Variants in VIT observed in about 807,000 individuals in gnomAD.
VIT encodes vitrin.
VIT carries 99 observed loss-of-function variants against 78.0 expected under a neutral mutation model. That is an observed-to-expected ratio of 1.27 (90% CI 1.08 to 1.50). The LOEUF (loss-of-function observed/expected upper bound fraction) is 1.50, where lower values mean the gene tolerates loss of function less well. Ranked by LOEUF, VIT falls within the 40% of genes most tolerant of loss-of-function variation. The pLI is 0.00. For missense variants in VIT, 1,126 were observed against 875.3 expected (o/e 1.29, Z -3.61); for synonymous variants, 374 against 334.3 (o/e 1.12, Z -1.29).
chr2:36,801,270 C>T (rs1666302402), intron 12 of VIT, 31 bp from the exon 13 acceptor site: 2 of 1,561,466 alleles, frequency 1.3e-6, no homozygotes, highest in Admixed American at 1.7e-5. Flanking sequence ...AACTTTGCAG[C>T]TAATTTGTAT....
intron 2 of VIT, among the ~76,000 whole-genome samples, chr2:36,717,417 CGTGTG>C (rs1558510811): frequency 9.6e-5 from 4 of 41,614 alleles, no homozygotes; most frequent in Non-Finnish European, 9.2e-5. Flanking sequence ...GGGGTTTCAC[CGTGTG>C]AGACAGGGTT....
chr2:36,748,980 G>A (rs558526512), intron 4 of VIT, among the ~76,000 whole-genome samples: 10 of 152,278 alleles, frequency 6.6e-5, no homozygotes, highest in African/African-American at 1.7e-4. Context: ...TGAGCATCCC[G>A]TGTTTTCTCC....
intron 13 of VIT, among the ~76,000 whole-genome samples, chr2:36,803,158 C>T (rs931816523): frequency 1.3e-5 from 2 of 152,212 alleles, no homozygotes; most frequent in African/African-American, 4.8e-5. Flanking sequence ...CCTGCCGCCC[C>T]AAACCACTGC....
chr2:36,795,916 G>C (rs1665863460), intron 12 of VIT, among the ~76,000 whole-genome samples: 1 of 152,140 alleles, frequency 6.6e-6, no homozygotes, highest in African/African-American at 2.4e-5. Flanking sequence ...GCTTTGTTCA[G>C]ACATGAGTGA....
intron 15 of VIT, among the ~76,000 whole-genome samples, chr2:36,813,926 G>A (rs1362436422): frequency 6.6e-6 from 1 of 152,154 alleles, no homozygotes; most frequent in Non-Finnish European, 1.5e-5. Context: ...AAACTCCTGA[G>A]ATAACAATTA....
intron 4 of VIT, among the ~76,000 whole-genome samples, chr2:36,746,857 G>A (rs538801112): frequency 1.3e-5 from 2 of 152,010 alleles, no homozygotes; most frequent in African/African-American, 2.4e-5. Flanking sequence ...ATGTTAGTGT[G>A]TTCTTATTTT....
intron 1 of VIT, among the ~76,000 whole-genome samples, chr2:36,701,708 C>T (rs539764938): frequency 1.3e-4 from 20 of 152,296 alleles, no homozygotes; most frequent in African/African-American, 3.6e-4. Context: ...TATGTGAATT[C>T]CCTTCACCAG....
intron 4 of VIT, among the ~76,000 whole-genome samples, chr2:36,752,555 G>A (rs1047195722): frequency 1.3e-5 from 2 of 152,208 alleles, no homozygotes; most frequent in Admixed American, 1.3e-4. Context: ...CTACATCTGA[G>A]TGATACAAAT....
intron 14 of VIT, among the ~76,000 whole-genome samples, chr2:36,806,716 T>A (rs368030530): frequency 1.3e-5 from 2 of 152,000 alleles, no homozygotes; most frequent in African/African-American, 4.8e-5. Context: ...CCAGCTAGTT[T>A]TTTTATTTTA....
chr2:36,814,250 C>T lies in VIT; in HGVS notation c.1971C>T (p.His657=), dbSNP rs1278283955. The part of the protein sequence containing the change: ...AQEELEVIAT[H]PARDHSFFVD... ...AGGAGCTAGAAGTCATTGCCACTCACCCCGCCAGAGACCACTCCTTCTTTG... is the reference window on the plus strand; with the variant it reads ...AGGAGCTAGAAGTCATTGCCACTCATCCCGCCAGAGACCACTCCTTCTTTG... The change falls in exon 16 of 16, where the codon CAC becomes CAT. Residue 657 remains histidine, a synonymous_variant. Coordinates refer to ENST00000379242, the MANE Select transcript of VIT (RefSeq NM_053276.4). The T allele has an allele frequency of 4.3e-6, 7 of 1,614,234 alleles. No individual in the cohort carries two copies. Among genetic ancestry groups the T allele is most frequent in the African/African-American group, 1.3e-5 (1 of 75,046 alleles).
chr2:36,780,424 C>T (rs1211320178), intron 9 of VIT, among the ~76,000 whole-genome samples: 4 of 152,104 alleles, frequency 2.6e-5, no homozygotes, highest in East Asian at 1.9e-4. Context: ...CAGTAGGTGG[C>T]GATAAAGTAA....
intron 3 of VIT, among the ~76,000 whole-genome samples, chr2:36,734,861 T>A (rs183802402): frequency 6.6e-6 from 1 of 152,232 alleles, no homozygotes; most frequent in African/African-American, 2.4e-5. Context: ...AAGAAGGTAA[T>A]ACTTAAGAGC....
At chr2:36,729,361 G>C in intron 2 of VIT, 65 bp from the exon 3 acceptor site, 1 of 1,427,110 alleles carries the variant, frequency 7.0e-7, no homozygotes, top group Non-Finnish European at 9.5e-7. Flanking sequence ...GCAAGTATGA[G>C]TCAAAAGAGA....
At chr2:36,740,779 G>C (rs2148511773) in intron 3 of VIT, among the ~76,000 whole-genome samples, 1 of 152,276 alleles carries the variant, frequency 6.6e-6, no homozygotes, top group Middle Eastern at 3.4e-3. Flanking sequence ...AGGGAAAATT[G>C]ATTAGCAGGA....
intron 1 of VIT, among the ~76,000 whole-genome samples, chr2:36,715,458 C>T (rs1410505958): frequency 6.6e-6 from 1 of 151,626 alleles, no homozygotes; most frequent in East Asian, 1.9e-4. Context: ...ATTGCTTAAA[C>T]TCGGGAGGCA....
intron 12 of VIT, among the ~76,000 whole-genome samples, chr2:36,793,728 A>C (rs1665663507): frequency 6.6e-6 from 1 of 152,218 alleles, no homozygotes; most frequent in Admixed American, 6.5e-5. Context: ...AAAATAGAAA[A>C]GTTCTTGTTG....
chr2:36,792,253 C>G (rs571460593), intron 12 of VIT, among the ~76,000 whole-genome samples: 1 of 152,138 alleles, frequency 6.6e-6, no homozygotes, highest in Non-Finnish European at 1.5e-5. Flanking sequence ...TTGCCAAGAC[C>G]CCACCATGCC....
intron 4 of VIT, among the ~76,000 whole-genome samples, chr2:36,747,837 T>C (rs1558536061): frequency 6.6e-6 from 1 of 152,216 alleles, no homozygotes; most frequent in African/African-American, 2.4e-5. Context: ...TGTAGTTGCT[T>C]TATAGGGTCT....
At chr2:36,758,736 C>G (rs1004409193) in intron 5 of VIT, among the ~76,000 whole-genome samples, 1 of 152,198 alleles carries the variant, frequency 6.6e-6, no homozygotes, top group Non-Finnish European at 1.5e-5. Flanking sequence ...TTAAGCAACT[C>G]TGAATCATGG....
Sources: gnomAD v4.1 joint callset for allele counts (sites outside exome capture counted in the v4.1 genomes callset) on GRCh38, gnomAD v4.1.1 for gene constraint, MANE v1.5 for transcripts, NCBI Gene and HGNC (gene_info 2026-07-23, HGNC 2026-07-21) for gene names.